The following SPTLC1 variants were observed in gnomAD, a reference collection of about 807,000 sequenced individuals.
SPTLC1 encodes the protein serine palmitoyltransferase 1.
Under a neutral mutation model 68.9 loss-of-function variants are expected in SPTLC1, and 55 were observed. The ratio of observed to expected loss-of-function variants is 0.80; its 90% confidence interval spans 0.64 to 1.00. The LOEUF (loss-of-function observed/expected upper bound fraction) is 1.00. SPTLC1 is among the 50% of genes least tolerant of loss of function. SPTLC1 has a pLI of 0.00. For synonymous variants in SPTLC1, 197 were observed against 201.6 expected, an observed-to-expected ratio of 0.98 and a Z score of 0.19; for missense variants, 449 against 573.1, an observed-to-expected ratio of 0.78 and a Z score of 2.21.
At chr9:92,105,116 G>C in intron 3 of SPTLC1, 1 of 1,533,654 alleles carries the variant, frequency 6.5e-7, no homozygotes, top group Non-Finnish European at 8.7e-7. Context: ...GGATCCTGCA[G>C]CTCTTGGATC....
intron 3 of SPTLC1, among the ~76,000 whole-genome samples, chr9:92,083,124 T>C (rs1386175913): frequency 2.0e-5 from 3 of 151,610 alleles, no homozygotes; most frequent in Admixed American, 2.0e-4. Context: ...GAGTTCATTG[T>C]AGATTCTGGA....
Position 92,050,014 on chromosome 9 carries a change from T to C in SPTLC1, c.834A>G (p.Ser278=). ...KARIFLEESL[S]FGVLGEHGRG... ...GGCCATGCTCTCCTAGGACTCCAAA[T>C]GAAAGGCTTTCCTCCAGGAAGATTC... The change falls in exon 9 of 15, where the codon TCA becomes TCG. Residue 278 remains serine, a synonymous_variant. Transcript: ENST00000262554. 6.2e-7 allele frequency: 1 copy of C among 1,614,096 alleles called. No homozygotes were observed. Among genetic ancestry groups the C allele is most frequent in the Non-Finnish European group, 8.5e-7 (1 of 1,179,922 alleles).
At chr9:92,038,601 T>A (rs1587904918) in intron 12 of SPTLC1, 1 of 533,326 alleles carries the variant, frequency 1.9e-6, no homozygotes, top group East Asian at 3.5e-5. Context: ...CAGGACCGGG[T>A]CTCATGGCCC....
intron 5 of SPTLC1, among the ~76,000 whole-genome samples, chr9:92,068,963 G>A (rs985477663): frequency 6.6e-6 from 1 of 152,240 alleles, no homozygotes; most frequent in African/African-American, 2.4e-5. Flanking sequence ...TTTAACTATG[G>A]CAGGACCCAA....
Position 92,047,844 on chromosome 9 carries a change from T to TA in SPTLC1, c.889-137dup, listed in dbSNP as rs987092095. The TA allele has an allele frequency of 3.7e-5, 25 of 669,822 alleles. No individual in the cohort carries two copies. In the Admixed American group the frequency reaches 4.0e-4, roughly 11 times the overall value. The allele number at this position is 669,822 out of a possible 1,614,324, so 41.5% of individuals were successfully genotyped here. A position where few individuals can be genotyped will look rare whatever the true frequency, so the allele number is the denominator to read the frequency against. ...TTCAAACTACCTATCTACATGAAAA[T>TA]AAAAAATAAACCATATAACATCTAT... On this transcript the variant is annotated intron_variant, in intron 9 of 14. Transcript: ENST00000262554.
chr9:92,073,857 C>G (rs1305700511), intron 5 of SPTLC1, among the ~76,000 whole-genome samples: 1 of 152,218 alleles, frequency 6.6e-6, no homozygotes, highest in East Asian at 1.9e-4. Flanking sequence ...TCAAGGCGTA[C>G]AAACCGCAGC....
chr9:92,043,005 C>T (rs914279317), intron 12 of SPTLC1, among the ~76,000 whole-genome samples: 1 of 152,156 alleles, frequency 6.6e-6, no homozygotes, highest in Admixed American at 6.5e-5. Context: ...TTTCTCCAGC[C>T]ACCATCTTGT....
Position 92,107,560 on chromosome 9 carries a change from G to A in SPTLC1, c.260+1180C>T, listed in dbSNP as rs1836046484. Among the ~76,000 whole-genome samples, 3 of 152,214 alleles carry A rather than the reference G, an allele frequency of 2.0e-5. No individual in the cohort carries two copies. The South Asian group carries it at 6.2e-4, about 32-fold the overall frequency. ...AAAGTCAGGAAATCGAGACCATCCTGGCTAACACAGTGAAACTCCATCTCT... is the reference window on the plus strand; with the variant it reads ...AAAGTCAGGAAATCGAGACCATCCTAGCTAACACAGTGAAACTCCATCTCT... On this transcript the variant is annotated intron_variant, in intron 3 of 14. Transcript: ENST00000262554.
At chr9:92,087,680 C>T (rs1022944883) in intron 3 of SPTLC1, among the ~76,000 whole-genome samples, 6 of 152,206 alleles carry the variant, frequency 3.9e-5, no homozygotes, top group South Asian at 2.1e-4. Flanking sequence ...AGTTAGGCTG[C>T]TCAGGGGTCA....
At chr9:92,063,437 A>G (rs1834172692) in intron 6 of SPTLC1, among the ~76,000 whole-genome samples, 1 of 152,164 alleles carries the variant, frequency 6.6e-6, no homozygotes, top group Non-Finnish European at 1.5e-5. Context: ...TCTACCAAAC[A>G]ATTAAATAAT....
chr9:92,041,860 A>G (rs1050817637), intron 12 of SPTLC1, among the ~76,000 whole-genome samples: 36 of 152,364 alleles, frequency 2.4e-4, no homozygotes, highest in African/African-American at 8.4e-4. Flanking sequence ...TTTATGATTT[A>G]CCTTAATAGA....
At chr9:92,114,104 T>C (rs559126964) in intron 1 of SPTLC1, among the ~76,000 whole-genome samples, 5 of 150,284 alleles carry the variant, frequency 3.3e-5, no homozygotes, top group Non-Finnish European at 4.4e-5. Context: ...CAAGCCCCCG[T>C]CTCTATTAAA....
chr9:92,033,857 G>C (rs1174882265), intron 14 of SPTLC1, among the ~76,000 whole-genome samples: 4 of 152,166 alleles, frequency 2.6e-5, no homozygotes, highest in Non-Finnish European at 4.4e-5. Context: ...AAAAGGGCAG[G>C]CTCCTTAAGG....
chr9:92,052,531 A>ATTT (rs753353281), intron 8 of SPTLC1, among the ~76,000 whole-genome samples: 1 of 150,714 alleles, frequency 6.6e-6, no homozygotes, highest in Non-Finnish European at 1.5e-5. Context: ...GATTATTATT[A>ATTT]TTATTTTTTT....
At chr9:92,086,844 A>G (rs928709893) in intron 3 of SPTLC1, among the ~76,000 whole-genome samples, 2,660 of 152,290 alleles carry the variant, frequency 0.017, 63 homozygotes, top group African/African-American at 0.06. Flanking sequence ...GTGTTTTCCA[A>G]CTTGGTTCCA....
chr9:92,105,389 A>G, intron 3 of SPTLC1: 2 of 1,497,918 alleles, frequency 1.3e-6, no homozygotes. Flanking sequence ...CAGGAGACTA[A>G]GAGAGCTGCT....
intron 6 of SPTLC1, among the ~76,000 whole-genome samples, chr9:92,065,182 T>C (rs76515022): frequency 0.035 from 5,327 of 152,300 alleles, 220 homozygotes; most frequent in Middle Eastern, 0.12. Context: ...TTTAAAAAGA[T>C]CTGTGAAGCA....
At chr9:92,033,003 C>A (rs952084144) in intron 14 of SPTLC1, among the ~76,000 whole-genome samples, 2 of 152,110 alleles carry the variant, frequency 1.3e-5, no homozygotes, top group African/African-American at 4.8e-5. Flanking sequence ...TGTAAACAAA[C>A]CTCTCCTGGC....
chr9:92,113,546 A>G (rs879847976), intron 1 of SPTLC1, among the ~76,000 whole-genome samples: 1 of 152,224 alleles, frequency 6.6e-6, no homozygotes, highest in Non-Finnish European at 1.5e-5. Context: ...AAGTTACACT[A>G]CTGTCAGTCT....
Sources: allele counts gnomAD v4.1 joint callset (sites outside exome capture counted in the v4.1 genomes callset), GRCh38; gene constraint gnomAD v4.1.1; transcripts MANE v1.5; gene names NCBI Gene and HGNC (gene_info 2026-07-23, HGNC 2026-07-21).